The following DISP3 variants were observed in gnomAD, a reference collection of about 807,000 sequenced individuals.
DISP3 encodes protein dispatched homolog 3.
DISP3 carries 101 observed loss-of-function variants against 135.3 expected under a neutral mutation model. That is an observed-to-expected ratio of 0.75 (90% confidence interval 0.64 to 0.88). The LOEUF (loss-of-function observed/expected upper bound fraction) is 0.88, where lower values mean the gene tolerates loss of function less well. Ranked by LOEUF, DISP3 falls within the 40% of genes least tolerant of loss-of-function variation. DISP3 has a pLI of 0.00. For missense variants in DISP3, 1,713 were observed against 1,878.6 expected (o/e 0.91, Z 1.63); for synonymous variants, 856 against 817.0 (o/e 1.05, Z -0.81).
Position 11,525,326 on chromosome 1 carries a change from G to A in DISP3, c.2613+14G>A. 6.2e-7 allele frequency: 1 copy of A among 1,606,844 alleles called. No homozygotes were observed. Among genetic ancestry groups the A allele is most frequent in the Non-Finnish European group, 8.5e-7 (1 of 1,174,678 alleles). On this transcript the variant is annotated intron_variant, in intron 12 of 20. Transcript: ENST00000294484. ...CCCTCCTTCCAGGTGAGCCTGGGCT[G>A]TCGTGAAGTGAGCCGCCACCACTGT...
chr1:11,483,848 T>C lies in DISP3; in HGVS notation c.-4+4476T>C, dbSNP rs1207667862. On this transcript the variant is annotated intron_variant, in intron 1 of 20. Coordinates refer to ENST00000294484, the MANE Select transcript of DISP3 (RefSeq NM_020780.2). This position sits in a 1 kb window ranked among gnomAD's most constrained non-coding sequence, Gnocchi z 5.4. ...TTAACTCTGTAAGAGGTCAAGGATATGAGAAGCCTCTGCAGATGGGGAAGT... is the reference window on the plus strand; with the variant it reads ...TTAACTCTGTAAGAGGTCAAGGATACGAGAAGCCTCTGCAGATGGGGAAGT... Among the ~76,000 whole-genome samples the C allele has an allele frequency of 1.3e-5, 2 of 152,156 alleles. No homozygotes were observed. Among genetic ancestry groups the C allele is most frequent in the African/African-American group, 4.8e-5 (2 of 41,428 alleles).
intron 1 of DISP3, among the ~76,000 whole-genome samples, chr1:11,498,994 T>C (rs1006653385): frequency 1.3e-5 from 2 of 152,038 alleles, no homozygotes; most frequent in Admixed American, 6.5e-5. Context: ...AGGCAAAATC[T>C]AGTGAGGATG....
Position 11,531,128 on chromosome 1 carries a change from A to C in DISP3, c.3229+95A>C. On this transcript the variant is annotated intron_variant, in intron 16 of 20. Coordinates refer to ENST00000294484, the MANE Select transcript of DISP3 (RefSeq NM_020780.2). This position sits in a 1 kb window ranked among gnomAD's most constrained non-coding sequence, Gnocchi z 5.2. ...GTCCAAGGTAGACAGCCCGAAGGACAGTGTCTGGCATGTGGGGGTCTTTTG... is the reference window on the plus strand; with the variant it reads ...GTCCAAGGTAGACAGCCCGAAGGACCGTGTCTGGCATGTGGGGGTCTTTTG... 6.4e-7 allele frequency: 1 copy of C among 1,550,866 alleles called. No individual in the cohort carries two copies. Among genetic ancestry groups the C allele is most frequent in the Non-Finnish European group, 8.7e-7 (1 of 1,146,864 alleles).
Position 11,486,836 on chromosome 1 carries a change from C to T in DISP3, c.-4+7464C>T, listed in dbSNP as rs143358588. On this transcript the variant is annotated intron_variant, in intron 1 of 20. Coordinates refer to ENST00000294484, the MANE Select transcript of DISP3 (RefSeq NM_020780.2). ...GGGACTACGGGTGCGCATGACCACG[C>T]GCCGGATAAGTTTTTTACTTTTAGT... 1.4e-3 allele frequency among the ~76,000 whole-genome samples: 208 copies of T among 152,152 alleles called. 5 individuals carry two copies. Among genetic ancestry groups the T allele is most frequent in the Admixed American group, 0.011 (166 of 15,292 alleles).
chr1:11,519,207 C>G lies in DISP3; in HGVS notation c.1890-148C>G. On this transcript the variant is annotated intron_variant, in intron 7 of 20. Coordinates refer to ENST00000294484, the MANE Select transcript of DISP3 (RefSeq NM_020780.2). The surrounding 1 kb of genome is among the most constrained non-coding windows in gnomAD (Gnocchi z 4.3). ...TGGTACTAGAAAGAAACCAGGTGAC[C>G]AGCTCCCAGAAGTCTGGGGTGCTCA... The G allele has an allele frequency of 3.1e-6, 3 of 977,900 alleles. No individual in the cohort carries two copies. The highest frequency in any genetic ancestry group is 4.5e-6 in the Non-Finnish European group (3 of 662,042). The allele number at this position is 977,900 out of a possible 1,614,324, so 60.6% of individuals were successfully genotyped here.
In DISP3 at chr1:11,502,085, C is replaced by T. The variant is rs1341684843; in HGVS notation, c.1093C>T (p.Arg365Trp). 3.9e-6 allele frequency: 6 copies of T among 1,546,500 alleles called. No homozygotes were observed. Among genetic ancestry groups the T allele is most frequent in the Middle Eastern group, 2.0e-4 (1 of 4,988 alleles). ...DGMGQDLADIRGSLELAMTHP... is the reference protein window; with the variant it reads ...DGMGQDLADIWGSLELAMTHP... ...CATGGGCCAGGACCTGGCGGACATC[C>T]GGGGTGAGCCGCCGGGATGCTGGGA... Residue 365 changes from arginine (R) to tryptophan (W), a missense_variant, in exon 2 of 21, where the codon CGG becomes TGG. This residue lies in a region of DISP3 where 1,142 missense variants were observed against 1,384.6 expected (regional missense o/e 0.82). Transcript: ENST00000294484.
chr1:11,525,823 G>T (rs966413420), intron 12 of DISP3, among the ~76,000 whole-genome samples: 1 of 152,026 alleles, frequency 6.6e-6, no homozygotes, highest in African/African-American at 2.4e-5. Flanking sequence ...CTTGGGGGTG[G>T]GGGGAGGACA....
At position 11,516,027 on chromosome 1, in the gene DISP3, A is replaced by C; in HGVS notation, c.1615A>C (p.Asn539His). ...TGTGGACGATGTCTTTGTGTTCATC[A>C]ACACCTACCGCCAGGCCACCCACCT... ...IGVDDVFVFI[N>H]TYRQATHLED... The change falls in exon 6 of 21, where the codon AAC becomes CAC. Residue 539 changes from asparagine to histidine, a missense_variant. This residue lies in a region of DISP3 where 1,142 missense variants were observed against 1,384.6 expected (regional missense o/e 0.82). Coordinates refer to ENST00000294484, the MANE Select transcript of DISP3 (RefSeq NM_020780.2). The surrounding 1 kb of genome is among the most constrained non-coding windows in gnomAD (Gnocchi z 5.1). 6.2e-7 allele frequency: 1 copy of C among 1,613,994 alleles called. No homozygotes were observed. Among genetic ancestry groups the C allele is most frequent in the Non-Finnish European group, 8.5e-7 (1 of 1,179,950 alleles).
intron 1 of DISP3, among the ~76,000 whole-genome samples, chr1:11,486,478 AG>A (rs377183412): frequency 1.8e-4 from 27 of 152,168 alleles, no homozygotes; most frequent in African/African-American, 6.5e-4. Context: ...GTTCCCTCCA[AG>A]GGTTTCTGAC....
At chr1:11,487,849 C>T (rs576547172) in intron 1 of DISP3, among the ~76,000 whole-genome samples, 9 of 152,216 alleles carry the variant, frequency 5.9e-5, no homozygotes, top group Non-Finnish European at 1.2e-4. Flanking sequence ...AAGCTGCTGC[C>T]TCAGGACCCC....
rs939370411 is a variant in DISP3 at position 11,483,108 on chromosome 1, G to A, written c.-4+3736G>A. 2.6e-5 allele frequency among the ~76,000 whole-genome samples: 4 copies of A among 152,250 alleles called. No individual in the cohort carries two copies. The highest frequency in any genetic ancestry group is 7.2e-5 in the African/African-American group (3 of 41,462). ...GCTGCGGGACCAGTCCAGGGATGGC[G>A]GCAGAGCCTCCCCCAGTGAGCTCAC... On this transcript the variant is annotated intron_variant, in intron 1 of 20. Coordinates refer to ENST00000294484, the MANE Select transcript of DISP3 (RefSeq NM_020780.2). The surrounding 1 kb of genome is among the most constrained non-coding windows in gnomAD (Gnocchi z 5.4).
chr1:11,480,670 C>T (rs989385403), intron 1 of DISP3, among the ~76,000 whole-genome samples: 1 of 104,958 alleles, frequency 9.5e-6, no homozygotes, highest in Non-Finnish European at 1.8e-5. Context: ...ACCCCCAGCG[C>T]GCGCGTGCAC....
intron 3 of DISP3, among the ~76,000 whole-genome samples, chr1:11,511,000 C>A (rs1395272904): frequency 2.0e-5 from 3 of 152,178 alleles, no homozygotes; most frequent in African/African-American, 7.2e-5. Flanking sequence ...ATAAACCCAT[C>A]ATATCTCATG....
At chr1:11,512,561 A>G (rs1422488940) in intron 3 of DISP3, among the ~76,000 whole-genome samples, 1 of 152,164 alleles carries the variant, frequency 6.6e-6, no homozygotes, top group African/African-American at 2.4e-5. Context: ...TTTATTGTCC[A>G]TATCACTATC....
rs1641508902 is a variant in DISP3, at chr1:11,501,342, A to G, written c.350A>G (p.Gln117Arg). Residue 117 changes from glutamine (Q) to arginine (R), a missense_variant, in exon 2 of 21, where the codon CAG becomes CGG. This residue lies in a region of DISP3 where 571 missense variants were observed against 494.1 expected (regional missense o/e 1.16). Transcript: ENST00000294484. This position sits in a 1 kb window ranked among gnomAD's most constrained non-coding sequence, Gnocchi z 4.9. ...GAGATCCGCAACCACGAGGCCTCAC[A>G]GCGTTTCGACGCTCTCACTCTGGCG... ...AFEIRNHEAS[Q>R]RFDALTLALK... The G allele has an allele frequency of 6.2e-7, 1 of 1,613,504 alleles. No individual in the cohort carries two copies. Among genetic ancestry groups the G allele is most frequent in the African/African-American group, 1.3e-5 (1 of 74,910 alleles).
In DISP3 at chr1:11,526,755, G is replaced by A. The variant is rs750406585; in HGVS notation, c.2718G>A (p.Thr906=). The A allele has an allele frequency of 1.2e-5, 20 of 1,613,760 alleles. 1 individual carries two copies. The highest frequency in any genetic ancestry group is 3.3e-4 in the Middle Eastern group (2 of 6,058). ...AASPSRKWML[T]TLACDAKRGW... Reference sequence around the variant, plus strand: ...GCCCCTCCCGCAAGTGGATGCTGACGACCTTGGCCTGTGATGCCAAGCGGG... The same window carrying A: ...GCCCCTCCCGCAAGTGGATGCTGACAACCTTGGCCTGTGATGCCAAGCGGG... Residue 906 remains threonine (T), a synonymous_variant, in exon 13 of 21, where the codon ACG becomes ACA. Transcript: ENST00000294484.
chr1:11,502,490 A>G (rs1641574205), intron 2 of DISP3, among the ~76,000 whole-genome samples, 188 bp from the exon 3 acceptor site: 1 of 151,534 alleles, frequency 6.6e-6, no homozygotes. Context: ...TAGGTAAATT[A>G]GGGATGGGGC....
chr1:11,510,023 C>T lies in DISP3; in HGVS notation c.1317-4367C>T, dbSNP rs138247391. On this transcript the variant is annotated intron_variant, in intron 3 of 20. Transcript: ENST00000294484. ...CTGAGGGAGGAGAATGGCGTGAACC[C>T]GGGAGGTGGAGCTTTCAGTGAGCTG... Among the ~76,000 whole-genome samples, 314 of 152,126 alleles carry T rather than the reference C, an allele frequency of 2.1e-3. 7 individuals carry two copies. The East Asian group carries it at 0.053, about 26-fold the overall frequency.
chr1:11,519,818 T>G lies in DISP3; in HGVS notation c.2138T>G (p.Leu713Arg), dbSNP rs573342484. 1.9e-6 allele frequency: 3 copies of G among 1,612,692 alleles called. No homozygotes were observed. Among genetic ancestry groups the G allele is most frequent in the East Asian group, 2.2e-5 (1 of 44,864 alleles). Reference protein sequence around the residue: ...TGSRGHLIVQLQELLHHWVLW... With the variant: ...TGSRGHLIVQRQELLHHWVLW... ...AGCCGCGGCCATCTCATCGTGCAGC[T>G]GCAGGAGCTGCTGCACCACTGGGTC... Residue 713 changes from leucine (L) to arginine (R), a missense_variant, in exon 9 of 21, where the codon CTG (leucine) becomes CGG (arginine). Transcript: ENST00000294484. This position sits in a 1 kb window ranked among gnomAD's most constrained non-coding sequence, Gnocchi z 4.3.
Sources: gnomAD v4.1 joint callset for allele counts (sites outside exome capture counted in the v4.1 genomes callset) on GRCh38, gnomAD v4.1.1 for gene constraint, gnomAD v4.1.1 regional missense constraint, Gnocchi (gnomAD v3.1) non-coding constraint, MANE v1.5 for transcripts, NCBI Gene and HGNC (gene_info 2026-07-23, HGNC 2026-07-21) for gene names.